Variants in GABRB1 observed in about 807,000 individuals in gnomAD.
GABRB1 encodes the protein gamma-aminobutyric acid receptor subunit beta-1.
In GABRB1, 17 loss-of-function variants were observed where a neutral mutation model predicts 51.6. The observed-to-expected ratio is 0.33, with a 90% confidence interval of 0.23 to 0.49. GABRB1 has a LOEUF of 0.49. Ranked by LOEUF, GABRB1 falls within the 20% of genes least tolerant of loss-of-function variation. The pLI, the probability that GABRB1 is intolerant of heterozygous loss-of-function variation, is 0.99. For missense variants in GABRB1, 410 were observed against 600.6 expected (o/e 0.68, Z 3.32); for synonymous variants, 247 against 218.9 (o/e 1.13, Z -1.14).
intron 4 of GABRB1, among the ~76,000 whole-genome samples, chr4:47,303,275 C>T (rs965418806): frequency 6.6e-6 from 1 of 151,800 alleles, no homozygotes; most frequent in Non-Finnish European, 1.5e-5. Context: ...TGGAAATAAA[C>T]ATGAATAAAT....
chr4:47,033,507 A>G (rs1030297464), intron 3 of GABRB1, among the ~76,000 whole-genome samples: 4 of 152,198 alleles, frequency 2.6e-5, no homozygotes, highest in Non-Finnish European at 5.9e-5. Flanking sequence ...TCCACTTGTG[A>G]AAAAATGTTA....
In GABRB1 at chr4:47,421,326, T is replaced by G. The variant is rs550477036; in HGVS notation, c.1081-4348T>G. Among the ~76,000 whole-genome samples the G allele has an allele frequency of 7.7e-4, 118 of 152,266 alleles. 1 individual carries two copies. The highest frequency in any genetic ancestry group is 1.8e-3 in the Admixed American group (27 of 15,288). On this transcript the variant is annotated intron_variant, in intron 8 of 8. Transcript: ENST00000295454. ...AATGTACCTTGTTAACCCTGACTTC[T>G]GTTTAATTAGGAGCATCTGTATGCT... is the stretch of plus-strand genomic sequence containing the variant.
At chr4:47,056,145 C>T (rs1247012021) in intron 3 of GABRB1, among the ~76,000 whole-genome samples, 3 of 152,136 alleles carry the variant, frequency 2.0e-5, no homozygotes, top group Non-Finnish European at 2.9e-5. Flanking sequence ...ATTCCATGTA[C>T]GTCCTGCCCT....
chr4:47,231,384 G>A (rs1721137539), intron 4 of GABRB1, among the ~76,000 whole-genome samples: 1 of 152,068 alleles, frequency 6.6e-6, no homozygotes. Context: ...GTAAAATGAG[G>A]AGGGTGAAAA....
At chr4:47,015,258 C>G (rs1178543784) in intron 1 of GABRB1, among the ~76,000 whole-genome samples, 2 of 151,946 alleles carry the variant, frequency 1.3e-5, no homozygotes, top group African/African-American at 4.8e-5. Flanking sequence ...AAAGAAAAGG[C>G]AGAGATTTAA....
At chr4:47,043,736 A>T (rs1255120415) in intron 3 of GABRB1, among the ~76,000 whole-genome samples, 1 of 152,110 alleles carries the variant, frequency 6.6e-6, no homozygotes, top group Non-Finnish European at 1.5e-5. Flanking sequence ...TCTGTACAAT[A>T]ACTAGTGAGC....
intron 4 of GABRB1, among the ~76,000 whole-genome samples, chr4:47,299,437 A>G (rs1044171287): frequency 2.0e-5 from 3 of 152,180 alleles, no homozygotes; most frequent in African/African-American, 4.8e-5. Context: ...AAGGACATGA[A>G]CAGACACTTC....
At chr4:47,112,185 T>C (rs1212852670) in intron 3 of GABRB1, among the ~76,000 whole-genome samples, 1 of 152,024 alleles carries the variant, frequency 6.6e-6, no homozygotes, top group Non-Finnish European at 1.5e-5. Context: ...TTAGTAGACA[T>C]TGAAGTTAGC....
chr4:47,349,246 A>G (rs536986481), intron 5 of GABRB1, among the ~76,000 whole-genome samples: 1 of 152,290 alleles, frequency 6.6e-6, no homozygotes, highest in African/African-American at 2.4e-5. Context: ...AGGAGGTGAC[A>G]CAGGGTAAGG....
chr4:47,154,634 T>G (rs1717611379), intron 3 of GABRB1, among the ~76,000 whole-genome samples: 1 of 152,054 alleles, frequency 6.6e-6, no homozygotes, highest in African/African-American at 2.4e-5. Flanking sequence ...TTTTTCTGGT[T>G]GGAGGCAATA....
At chr4:47,350,218 T>TATAGAGAGAGAG (rs750199965) in intron 5 of GABRB1, among the ~76,000 whole-genome samples, 39 of 56,656 alleles carry the variant, frequency 6.9e-4, no homozygotes, top group African/African-American at 2.0e-3. Context: ...TATATATATA[T>TATAGAGAGAGAG]AGAGAGAGAG....
chr4:47,130,091 TACTA>T (rs1716341448), intron 3 of GABRB1, among the ~76,000 whole-genome samples: 1 of 152,312 alleles, frequency 6.6e-6, no homozygotes, highest in South Asian at 2.1e-4. Context: ...GGCAATAATG[TACTA>T]ACTGTCTCCA....
At chr4:47,008,124 C>T (rs1469216929) in intron 1 of GABRB1, among the ~76,000 whole-genome samples, 3 of 151,894 alleles carry the variant, frequency 2.0e-5, no homozygotes, top group Non-Finnish European at 4.4e-5. Context: ...GCAAGATGGA[C>T]ATTGTTGGTA....
chr4:47,366,936 A>G (rs1727004064), intron 5 of GABRB1, among the ~76,000 whole-genome samples: 2 of 152,202 alleles, frequency 1.3e-5, no homozygotes, highest in African/African-American at 4.8e-5. Context: ...TGTGTGGCAT[A>G]TTAGGTTGTG....
intron 1 of GABRB1, among the ~76,000 whole-genome samples, chr4:46,995,747 A>G (rs1723972648): frequency 6.6e-6 from 1 of 152,366 alleles, no homozygotes; most frequent in East Asian, 1.9e-4. Context: ...TTAAAAATAC[A>G]CATATCAAAA....
chr4:47,106,146 G>A (rs778408481), intron 3 of GABRB1, among the ~76,000 whole-genome samples: 74 of 151,966 alleles, frequency 4.9e-4, no homozygotes, highest in South Asian at 8.3e-4. Flanking sequence ...ATCTTTTTAC[G>A]TAAAAATAGG....
intron 3 of GABRB1, among the ~76,000 whole-genome samples, chr4:47,123,339 T>G (rs1715875412): frequency 7.7e-6 from 1 of 129,376 alleles, no homozygotes; most frequent in Non-Finnish European, 1.6e-5. Flanking sequence ...GATAATATTA[T>G]ATAATATATA....
intron 3 of GABRB1, among the ~76,000 whole-genome samples, chr4:47,124,691 C>A (rs1265081170): frequency 6.6e-6 from 1 of 152,040 alleles, no homozygotes; most frequent in Non-Finnish European, 1.5e-5. Context: ...CTAACAAATT[C>A]TGGAGCTGAA....
At chr4:46,999,577 T>C (rs915689122) in intron 1 of GABRB1, among the ~76,000 whole-genome samples, 1 of 152,220 alleles carries the variant, frequency 6.6e-6, no homozygotes, top group African/African-American at 2.4e-5. Context: ...TGTTTCAATA[T>C]AAATATATCA....
Sources: gnomAD v4.1 joint callset for allele counts (sites outside exome capture counted in the v4.1 genomes callset) on GRCh38, gnomAD v4.1.1 for gene constraint, MANE v1.5 for transcripts, NCBI Gene and HGNC (gene_info 2026-07-23, HGNC 2026-07-21) for gene names.